Variants in DNAH10 observed in about 807,000 individuals in gnomAD.
DNAH10 encodes the protein axonemal beta dynein heavy chain 10.
DNAH10 carries 348 observed loss-of-function variants against 506.6 expected under a neutral mutation model. That is an observed-to-expected ratio of 0.69 (90% CI 0.63 to 0.75). The LOEUF is 0.75. Among genes scored for constraint, DNAH10 ranks in the 30% least tolerant of loss-of-function variants. The pLI is 0.00. For missense variants in DNAH10, 5,179 were observed against 5,787.1 expected, an observed-to-expected ratio of 0.89 and a Z score of 3.41; for synonymous variants, 2,059 against 2,198.6, an observed-to-expected ratio of 0.94 and a Z score of 1.78.
chr12:123,763,814 C>T (rs563929663), intron 1 of DNAH10, among the ~76,000 whole-genome samples: 8 of 151,438 alleles, frequency 5.3e-5, no homozygotes, highest in South Asian at 4.2e-4. Flanking sequence ...CCTCCCGCCT[C>T]GGCCTCCCAA....
chr12:123,902,921 C>G lies in DNAH10; in HGVS notation c.9641-18C>G, dbSNP rs373112480. On this transcript the variant is annotated intron_variant, in intron 56 of 78. Transcript: ENST00000673944. This position sits in a 1 kb window ranked among gnomAD's most constrained non-coding sequence, Gnocchi z 4.5. Reference sequence around the variant, plus strand: ...CCTCTGAGCCCAAGCTTTACTCACCCCCTGTCCTACCCTGCAGCCGAGGAG... The same window carrying G: ...CCTCTGAGCCCAAGCTTTACTCACCGCCTGTCCTACCCTGCAGCCGAGGAG... The G allele has an allele frequency of 1.9e-6, 3 of 1,567,824 alleles. No individual in the cohort carries two copies. Among genetic ancestry groups the G allele is most frequent in the African/African-American group, 2.7e-5 (2 of 73,464 alleles).
In DNAH10 at chr12:123,913,282, A is replaced by G; in HGVS notation, c.10319A>G (p.Lys3440Arg). The G allele has an allele frequency of 6.2e-7, 1 of 1,604,872 alleles. No homozygotes were observed. Among genetic ancestry groups the G allele is most frequent in the Non-Finnish European group, 8.5e-7 (1 of 1,176,202 alleles). ...IMERRLIAADKLISGLGSENI... is the reference protein window; with the variant it reads ...IMERRLIAADRLISGLGSENI... The stretch of plus-strand genomic sequence containing the variant: ...GAGAGGCGGCTGATTGCCGCAGACA[A>G]ACTCATCTCGGGTCTGGGGTCAGAA... The change falls in exon 60 of 79, where the codon AAA becomes AGA. Residue 3440 changes from lysine to arginine, a missense_variant. By Grantham distance (26) the Lys-to-Arg change is conservative (BLOSUM62 2). Around this residue, in one of 3 missense-constraint regions of DNAH10, gnomAD observed 4,844 missense variants for 5,430.5 expected, o/e 0.89. Coordinates refer to ENST00000673944, the MANE Select transcript of DNAH10 (RefSeq NM_001372106.1). This position sits in a 1 kb window ranked among gnomAD's most constrained non-coding sequence, Gnocchi z 5.1.
intron 13 of DNAH10, among the ~76,000 whole-genome samples, chr12:123,798,848 G>A (rs1958375614): frequency 1.3e-5 from 2 of 149,650 alleles, no homozygotes; most frequent in African/African-American, 4.9e-5. Context: ...GCTCACACCT[G>A]TAATCCCAGC....
chr12:123,901,345 G>A (rs539798390), intron 56 of DNAH10, among the ~76,000 whole-genome samples: 62 of 152,172 alleles, frequency 4.1e-4, no homozygotes, highest in South Asian at 2.1e-4. Context: ...TTTCTGTTCC[G>A]AAGGTTCCAC....
In DNAH10 at chr12:123,783,984, A is replaced by T; in HGVS notation, c.1037A>T (p.Glu346Val). 4 of 1,614,204 alleles carry T rather than the reference A, an allele frequency of 2.5e-6. No individual in the cohort carries two copies. Among genetic ancestry groups the T allele is most frequent in the Non-Finnish European group, 3.4e-6 (4 of 1,180,036 alleles). ...GPLAEIEFWR[E>V]RNATLSALHE... The stretch of plus-strand genomic sequence containing the variant: ...CTGGCTGAAATTGAATTCTGGAGGG[A>T]AAGAAATGCAACCTTAAGTGCGCTG... Residue 346 changes from glutamate (E) to valine (V), a missense_variant, in exon 8 of 79, where the codon GAA becomes GTA. Around this residue, in one of 3 missense-constraint regions of DNAH10, gnomAD observed 4,844 missense variants for 5,430.5 expected, o/e 0.89. Coordinates refer to ENST00000673944, the MANE Select transcript of DNAH10 (RefSeq NM_001372106.1).
At chr12:123,920,941 TA>T (rs1172781883) in intron 65 of DNAH10, among the ~76,000 whole-genome samples, 1 of 152,034 alleles carries the variant, frequency 6.6e-6, no homozygotes, top group Admixed American at 6.6e-5. Flanking sequence ...GGCTAATTTT[TA>T]AAAAAAATTT....
At chr12:123,869,038 A>G (rs1394238676) in intron 43 of DNAH10, among the ~76,000 whole-genome samples, 3 of 152,160 alleles carry the variant, frequency 2.0e-5, no homozygotes, top group Non-Finnish European at 2.9e-5. Flanking sequence ...GGGGGCCTGA[A>G]TGGCCCTGTG....
chr12:123,840,112 A>C (rs972584566), intron 29 of DNAH10, among the ~76,000 whole-genome samples: 1 of 151,832 alleles, frequency 6.6e-6, no homozygotes, highest in Non-Finnish European at 1.5e-5. Context: ...ATCCCTGACC[A>C]CAACCTACTA....
Position 123,787,691 on chromosome 12 carries a change from CA to C in DNAH10, c.1422-112del, listed in dbSNP as rs773849597. ...GCCTTTTCCGATGAGGCCGTGAAACCAGGGGGGGCGCCCGGGTCAGAGCTTC... is the reference window on the plus strand; with the variant it reads ...GCCTTTTCCGATGAGGCCGTGAAACCGGGGGGGCGCCCGGGTCAGAGCTTC... On this transcript the variant is annotated intron_variant, in intron 9 of 78. Transcript: ENST00000673944. This position sits in a 1 kb window ranked among gnomAD's most constrained non-coding sequence, Gnocchi z 4.6. The C allele has an allele frequency of 6.0e-5, 80 of 1,329,418 alleles. No homozygotes were observed. The highest frequency in any genetic ancestry group is 7.4e-5 in the Non-Finnish European group (71 of 962,048). The allele number at this position is 1,329,418 out of a possible 1,614,324, so 82.4% of individuals were successfully genotyped here. A position where few individuals can be genotyped will look rare whatever the true frequency, so the allele number is the denominator to read the frequency against.
At chr12:123,798,364 G>A (rs527287389) in intron 13 of DNAH10, among the ~76,000 whole-genome samples, 11 of 152,368 alleles carry the variant, frequency 7.2e-5, no homozygotes, top group East Asian at 1.9e-4. Context: ...GTGGGGGCAG[G>A]TACCTCACAC....
In DNAH10 at chr12:123,871,525, ATT is replaced by A; in HGVS notation, c.7712_7713del (p.Phe2571CysfsTer3). On this transcript the variant is annotated frameshift_variant, in exon 45 of 79. Coordinates refer to ENST00000673944, the MANE Select transcript of DNAH10 (RefSeq NM_001372106.1). LOFTEE classifies it high-confidence loss of function. ...AATGGTTAAAATTAAGCAACCTGTT[ATT>A]TTTGTTGGTGAATCTGGCACTTCTA... ...EQMVKIKQPV[I>X]FVGESGTSKT... The A allele has an allele frequency of 1.9e-6, 3 of 1,557,790 alleles. No homozygotes were observed. Among genetic ancestry groups the A allele is most frequent in the Non-Finnish European group, 2.6e-6 (3 of 1,149,920 alleles).
chr12:123,842,942 T>G (rs529611314), intron 30 of DNAH10, among the ~76,000 whole-genome samples: 2 of 152,394 alleles, frequency 1.3e-5, no homozygotes, highest in African/African-American at 4.8e-5. Flanking sequence ...AGATGCTATT[T>G]CAAAACTGAA....
chr12:123,811,125 A>T (rs1245447641), intron 19 of DNAH10, among the ~76,000 whole-genome samples: 1 of 152,180 alleles, frequency 6.6e-6, no homozygotes. Context: ...CAGGATTCCT[A>T]TTTCGTGGCA....
In DNAH10 at chr12:123,763,727, C is replaced by G. The variant is rs58121366; in HGVS notation, c.214+1177C>G. Among the ~76,000 whole-genome samples, 1,494 of 151,754 alleles carry G rather than the reference C, an allele frequency of 9.8e-3. 25 individuals carry two copies. Among genetic ancestry groups the G allele is most frequent in the African/African-American group, 0.034 (1,401 of 41,336 alleles). ...TACAGGTATGCGTCACCATGCCTGG[C>G]TAATTTTTATATTTTTGGTAGAGAC... is the stretch of plus-strand genomic sequence containing the variant. On this transcript the variant is annotated intron_variant, in intron 1 of 78. Transcript: ENST00000673944.
intron 13 of DNAH10, among the ~76,000 whole-genome samples, chr12:123,797,245 T>C (rs943323603): frequency 1.3e-5 from 2 of 152,226 alleles, no homozygotes; most frequent in African/African-American, 4.8e-5. Flanking sequence ...ATCAGGCTGC[T>C]GCCGCCATGC....
At chr12:123,910,502 C>G in intron 58 of DNAH10, 34 bp from the exon 59 acceptor site, 1 of 1,600,860 alleles carries the variant, frequency 6.2e-7, no homozygotes, top group Non-Finnish European at 8.5e-7. Flanking sequence ...ATGAAGCTTG[C>G]CACTCATAAA....
At chr12:123,843,421 C>T (rs1013083860) in intron 30 of DNAH10, among the ~76,000 whole-genome samples, 2 of 152,126 alleles carry the variant, frequency 1.3e-5, no homozygotes, top group African/African-American at 4.8e-5. Flanking sequence ...TTCATCATTT[C>T]GGTGTCGTCC....
rs1264104973 is a variant in DNAH10, at chr12:123,846,833, C to G, written c.5814+679C>G. ...TAGGCTCACAGTTTCTCAGCTGTGACTCATACCCACTGTGGATGTGGCATG... is the reference window on the plus strand; with the variant it reads ...TAGGCTCACAGTTTCTCAGCTGTGAGTCATACCCACTGTGGATGTGGCATG... On this transcript the variant is annotated intron_variant, in intron 32 of 78. Transcript: ENST00000673944. This position sits in a 1 kb window ranked among gnomAD's most constrained non-coding sequence, Gnocchi z 4.5. Among the ~76,000 whole-genome samples the G allele has an allele frequency of 6.6e-6, 1 of 152,098 alleles. No individual in the cohort carries two copies. Among genetic ancestry groups the G allele is most frequent in the Non-Finnish European group, 1.5e-5 (1 of 68,030 alleles).
At chr12:123,934,998 G>C (rs541800497) in intron 78 of DNAH10, 1 of 633,294 alleles carries the variant, frequency 1.6e-6, no homozygotes, top group African/African-American at 1.8e-5. Context: ...GGCTCAAGCT[G>C]TGATCCTGTG....
Sources: allele counts gnomAD v4.1 joint callset (sites outside exome capture counted in the v4.1 genomes callset), GRCh38; gene constraint gnomAD v4.1.1; regional missense constraint gnomAD v4.1.1; non-coding constraint Gnocchi (gnomAD v3.1); transcripts MANE v1.5; gene names NCBI Gene and HGNC (gene_info 2026-07-23, HGNC 2026-07-21).